The following MGA variants were observed in gnomAD, a reference collection of about 807,000 sequenced individuals.
MGA encodes the protein MAX dimerization protein MGA, also known as MAX gene-associated protein.
In MGA, 40 loss-of-function variants were observed where a neutral mutation model predicts 261.1. The ratio of observed to expected loss-of-function variants is 0.15; its 90% CI spans 0.12 to 0.20. The LOEUF is 0.20. Ranked by LOEUF, MGA falls within the 10% of genes least tolerant of loss-of-function variation. The probability of loss-of-function intolerance (pLI) is 1.00; values close to 1 mark genes in which losing one functional copy is unlikely to be tolerated. For missense variants in MGA, 3,397 were observed against 3,630.5 expected (o/e 0.94, Z 1.65); for synonymous variants, 1,302 against 1,290.6 (o/e 1.01, Z -0.19).
rs116124696 is a variant in MGA at position 41,633,749 on chromosome 15, G to C, written c.-68+12451G>C. On this transcript the variant is annotated intron_variant, in intron 1 of 8. Coordinates refer to the MGA transcript ENST00000566718. Reference sequence around the variant, plus strand: ...GTGATATATTCTTAATATGGCAGCAGAGAGAAGCTGTCAGATTGGAGATGC... The same window carrying C: ...GTGATATATTCTTAATATGGCAGCACAGAGAAGCTGTCAGATTGGAGATGC... Among the ~76,000 whole-genome samples the C allele has an allele frequency of 5.5e-3, 833 of 152,236 alleles. 7 individuals carry two copies. Among genetic ancestry groups the C allele is most frequent in the African/African-American group, 0.019 (804 of 41,538 alleles).
chr15:41,738,919 G>T (rs1038687182), intron 13 of MGA, among the ~76,000 whole-genome samples: 1 of 152,098 alleles, frequency 6.6e-6, no homozygotes, highest in Non-Finnish European at 1.5e-5. Flanking sequence ...ATTTTGTTTT[G>T]TGTCTCTGAA....
intron 22 of MGA, among the ~76,000 whole-genome samples, chr15:41,763,062 T>G (rs943571749): frequency 4.0e-5 from 6 of 151,684 alleles, no homozygotes; most frequent in Admixed American, 2.6e-4. Context: ...AATTTAATTT[T>G]GTCAAATCAG....
At position 41,711,359 on chromosome 15, in the gene MGA, T is replaced by G. The variant is rs779640528; in HGVS notation, c.3084+10T>G. The G allele has an allele frequency of 6.3e-7, 1 of 1,575,444 alleles. No individual in the cohort carries two copies. The highest frequency in any genetic ancestry group is 1.2e-5 in the South Asian group (1 of 85,140). Reference sequence around the variant, plus strand: ...TCTACTTACAGCTCAAGTAAGTAGCTGCTGTTTTCTGGAGGTATATTAGTG... The same window carrying G: ...TCTACTTACAGCTCAAGTAAGTAGCGGCTGTTTTCTGGAGGTATATTAGTG... On this transcript the variant is annotated intron_variant, in intron 8 of 23. Coordinates refer to ENST00000219905, the MANE Select transcript of MGA (RefSeq NM_001164273.2).
intron 1 of MGA, among the ~76,000 whole-genome samples, chr15:41,641,041 C>G (rs1056333432): frequency 9.2e-5 from 14 of 152,302 alleles, no homozygotes; most frequent in African/African-American, 2.9e-4. Context: ...TACTTTCTAT[C>G]TCTATGGATT....
upstream of MGA, among the ~76,000 whole-genome samples, chr15:41,658,101 G>A (rs959448482): frequency 6.6e-6 from 1 of 152,218 alleles, no homozygotes; most frequent in African/African-American, 2.4e-5. Context: ...GATCAAAACT[G>A]TGTACATTCT....
Position 41,706,056 on chromosome 15 carries a change from G to T in MGA, c.2189-1672G>T, listed in dbSNP as rs1226972311. The stretch of plus-strand genomic sequence containing the variant: ...TTTCGAGAGCAGCCTGACCAATATG[G>T]TGAAACCCCGTCTCTACTAAAAATA... On this transcript the variant is annotated intron_variant, in intron 5 of 23. Coordinates refer to ENST00000219905, the MANE Select transcript of MGA (RefSeq NM_001164273.2). Among the ~76,000 whole-genome samples, 6 of 152,034 alleles carry T rather than the reference G, an allele frequency of 3.9e-5. No individual in the cohort carries two copies. In the South Asian group the frequency reaches 1.2e-3, roughly 32 times the overall value.
At position 41,766,271 on chromosome 15, in the gene MGA, T is replaced by G. The variant is rs771108324; in HGVS notation, c.8189T>G (p.Ile2730Arg). 1 of 1,613,946 alleles carries G rather than the reference T, an allele frequency of 6.2e-7. No homozygotes were observed. Among genetic ancestry groups the G allele is most frequent in the Non-Finnish European group, 8.5e-7 (1 of 1,179,880 alleles). Residue 2730 changes from isoleucine (I) to arginine (R), a missense_variant, in exon 24 of 24, where the codon ATA becomes AGA. Ile to Arg is a moderately conservative substitution (Grantham distance 97). Transcript: ENST00000219905. Reference sequence around the variant, plus strand: ...AACAAAGATTCTGGTTATCCACAAATAGTTGACGTTTCCAATATGCAGAAA... The same window carrying G: ...AACAAAGATTCTGGTTATCCACAAAGAGTTGACGTTTCCAATATGCAGAAA...
chr15:41,741,220 G>T (rs1242941096), intron 14 of MGA, among the ~76,000 whole-genome samples: 1 of 151,836 alleles, frequency 6.6e-6, no homozygotes, highest in Non-Finnish European at 1.5e-5. Flanking sequence ...GGTGGCATGC[G>T]CCTGTAGTCC....
chr15:41,696,570 C>T lies in MGA; in HGVS notation c.1560C>T (p.Phe520=), dbSNP rs764790937. ...TTGAAAATTCCAATGAGACTGCCTTCTGCTTAGGCAAGGAATCAGAAAATG... is the reference window on the plus strand; with the variant it reads ...TTGAAAATTCCAATGAGACTGCCTTTTGCTTAGGCAAGGAATCAGAAAATG... Residue 520 remains phenylalanine (F), a synonymous_variant, in exon 3 of 24, where the codon TTC becomes TTT. Coordinates refer to ENST00000219905, the MANE Select transcript of MGA (RefSeq NM_001164273.2). The T allele has an allele frequency of 6.8e-6, 11 of 1,613,902 alleles. No homozygotes were observed. The Middle Eastern group carries it at 6.6e-4, about 96-fold the overall frequency.
At chr15:41,713,617 T>G (rs912527030) in intron 9 of MGA, 121 bp downstream of exon 9, 1 of 1,188,038 alleles carries the variant, frequency 8.4e-7, no homozygotes. Flanking sequence ...TTGAGACTTC[T>G]TATTATCCTT....
At chr15:41,731,058 A>T (rs528263280) in intron 11 of MGA, among the ~76,000 whole-genome samples, 1 of 152,310 alleles carries the variant, frequency 6.6e-6, no homozygotes, top group Non-Finnish European at 1.5e-5. Flanking sequence ...TTCCTTGGAA[A>T]ATTAAGGATG....
intron 1 of MGA, among the ~76,000 whole-genome samples, chr15:41,660,875 T>C (rs2057356290): frequency 6.6e-6 from 1 of 152,172 alleles, no homozygotes; most frequent in South Asian, 2.1e-4. Context: ...CTCCGCGTGG[T>C]ACGGTCCGCG....
chr15:41,676,033 A>G (rs2058355558), intron 2 of MGA, among the ~76,000 whole-genome samples: 1 of 152,190 alleles, frequency 6.6e-6, no homozygotes, highest in Non-Finnish European at 1.5e-5. Context: ...CATGTGTGAC[A>G]TAGTTTTCAG....
chr15:41,668,685 A>G, intron 1 of MGA, 143 bp from the exon 2 acceptor site: 1 of 423,448 alleles, frequency 2.4e-6, no homozygotes, highest in Non-Finnish European at 4.2e-6. Flanking sequence ...TGATTGAAAG[A>G]AAAGCTTAGA....
At chr15:41,751,690 C>T (rs886087862) in intron 17 of MGA, 6 of 152,462 alleles carry the variant, frequency 3.9e-5, no homozygotes, top group Admixed American at 3.3e-4. Context: ...CGCCATTGCA[C>T]TCCAGCCTGG....
At chr15:41,755,456 A>T (rs1463073868) in intron 18 of MGA, among the ~76,000 whole-genome samples, 2 of 152,230 alleles carry the variant, frequency 1.3e-5, no homozygotes, top group Non-Finnish European at 2.9e-5. Flanking sequence ...TTAGTCTGGG[A>T]TAATGAGTTC....
In MGA at chr15:41,767,209, A is replaced by C. The variant is rs776681559; in HGVS notation, c.9127A>C (p.Met3043Leu). 6.8e-6 allele frequency: 11 copies of C among 1,613,920 alleles called. No homozygotes were observed. The African/African-American group carries it at 1.5e-4, about 22-fold the overall frequency. The change falls in exon 24 of 24, where the codon ATG (methionine) becomes CTG (leucine). Residue 3043 changes from methionine to leucine, a missense_variant. By Grantham distance (15) the Met-to-Leu change is conservative. Around this residue, in one of 9 missense-constraint regions of MGA, gnomAD observed 647 missense variants for 642.4 expected, o/e 1.01. Transcript: ENST00000219905. ...CCAGGAAGGCCGGGAAAGCAAGGTGATGCCTACATTGGCACCTGTTGTGGC... is the reference window on the plus strand; with the variant it reads ...CCAGGAAGGCCGGGAAAGCAAGGTGCTGCCTACATTGGCACCTGTTGTGGC...
Position 41,728,068 on chromosome 15 carries a change from G to A in MGA, c.3657+662G>A, listed in dbSNP as rs995809070. Among the ~76,000 whole-genome samples, 3 of 152,134 alleles carry A rather than the reference G, an allele frequency of 2.0e-5. No homozygotes were observed. The East Asian group carries it at 5.8e-4, about 29-fold the overall frequency. On this transcript the variant is annotated intron_variant, in intron 10 of 23. Transcript: ENST00000219905. The stretch of plus-strand genomic sequence containing the variant: ...GGGTGGGCCGGGCGCGGTGGCTCAC[G>A]CTTGTAATCCCAGCACTTTGGGAGG...
chr15:41,686,869 C>G (rs2058997012), intron 2 of MGA, among the ~76,000 whole-genome samples: 1 of 152,026 alleles, frequency 6.6e-6, no homozygotes, highest in Admixed American at 6.6e-5. Flanking sequence ...TTACTGGTTT[C>G]AATTTGCTAA....
Sources: allele counts gnomAD v4.1 joint callset (sites outside exome capture counted in the v4.1 genomes callset), GRCh38; gene constraint gnomAD v4.1.1; regional missense constraint gnomAD v4.1.1; transcripts MANE v1.5; gene names NCBI Gene and HGNC (gene_info 2026-07-23, HGNC 2026-07-21).